RPP14: variants seen among roughly 807,000 people sequenced by gnomAD.
RPP14 encodes the protein ribonuclease P/MRP subunit p14.
A neutral mutation model predicts 17.8 loss-of-function variants in RPP14; 19 were observed. The ratio of observed to expected loss-of-function variants is 1.07; its 90% CI spans 0.74 to 1.57. The LOEUF (loss-of-function observed/expected upper bound fraction) is 1.57, where lower values mean the gene tolerates loss of function less well. Among genes scored for constraint, RPP14 ranks in the 40% most tolerant of loss-of-function variants. The pLI, the probability that RPP14 is intolerant of heterozygous loss-of-function variation, is 0.00. For synonymous variants in RPP14, 60 were observed against 56.4 expected, an observed-to-expected ratio of 1.06 and a Z score of -0.29; for missense variants, 125 against 140.8, an observed-to-expected ratio of 0.89 and a Z score of 0.57.
intron 3 of RPP14, among the ~76,000 whole-genome samples, chr3:58,314,879 G>T (rs927524302): frequency 1.3e-5 from 2 of 151,840 alleles, no homozygotes; most frequent in African/African-American, 2.4e-5. Flanking sequence ...TGGAGACGGG[G>T]TTTCACCATG....
intron 1 of RPP14, among the ~76,000 whole-genome samples, chr3:58,308,348 A>G (rs750114617): frequency 6.6e-6 from 1 of 152,144 alleles, no homozygotes; most frequent in African/African-American, 2.4e-5. Context: ...CAGTGGTACA[A>G]TCACAGTGCA....
intron 2 of RPP14, 24 bp from the exon 3 acceptor site, chr3:58,310,483 T>TG (rs576904123): frequency 5.6e-4 from 175 of 312,844 alleles, no homozygotes; most frequent in Admixed American, 3.5e-4. Context: ...TTAATATGAC[T>TG]TTTTTTTTTT....
rs2097492198 is a variant in RPP14, at chr3:58,319,514, C to G, written c.*2018C>G. 6.6e-6 allele frequency: 1 copy of G among 152,082 alleles called. No individual in the cohort carries two copies. The highest frequency in any genetic ancestry group is 1.5e-5 in the Non-Finnish European group (1 of 68,016). The allele number at this position is 152,082 out of a possible 1,614,324, so 9.4% of individuals were successfully genotyped here. ...AGTTAAACGTAACAGACCAGTTTTT[C>G]AGGGTGTCAGCCAACCTCTATTAGT... On this transcript the variant is annotated 3_prime_UTR_variant, in exon 6 of 6. Coordinates refer to ENST00000295959, the MANE Select transcript of RPP14 (RefSeq NM_007042.6).
At chr3:58,308,441 G>T (rs563307634) in intron 1 of RPP14, among the ~76,000 whole-genome samples, 222 of 148,050 alleles carry the variant, frequency 1.5e-3, no homozygotes, top group Middle Eastern at 0.01. Flanking sequence ...ACACTACCAT[G>T]CCTGGTTAAT....
At chr3:58,310,894 C>A (rs1038828967) in intron 3 of RPP14, among the ~76,000 whole-genome samples, 1 of 149,074 alleles carries the variant, frequency 6.7e-6, no homozygotes, top group Admixed American at 6.7e-5. Context: ...AACGCCACTG[C>A]ACTCCAGCCT....
Position 58,317,001 on chromosome 3 carries a change from C to G in RPP14, c.318+8C>G. 1 of 1,604,332 alleles carries G rather than the reference C, an allele frequency of 6.2e-7. No homozygotes were observed. Among genetic ancestry groups the G allele is most frequent in the Non-Finnish European group, 8.5e-7 (1 of 1,171,514 alleles). Reference sequence around the variant, plus strand: ...GCTTTCCGGGTGATTCAGGTAAAGACTATTCCCTCACATATTCCAAACAAG... The same window carrying G: ...GCTTTCCGGGTGATTCAGGTAAAGAGTATTCCCTCACATATTCCAAACAAG... On this transcript the variant is annotated splice_region_variant and intron_variant, in intron 5 of 5. Coordinates refer to ENST00000295959, the MANE Select transcript of RPP14 (RefSeq NM_007042.6).
Position 58,318,160 on chromosome 3 carries a change from G to A in RPP14, c.*664G>A. On this transcript the variant is annotated 3_prime_UTR_variant, in exon 6 of 6. Coordinates refer to ENST00000295959, the MANE Select transcript of RPP14 (RefSeq NM_007042.6). ...AGATGCAACCTCAAACACCAATGCTGTTGTTAAAGAGCCTATGGGGAATTG... is the reference window on the plus strand; with the variant it reads ...AGATGCAACCTCAAACACCAATGCTATTGTTAAAGAGCCTATGGGGAATTG... The A allele has an allele frequency of 4.9e-6, 3 of 613,814 alleles. No individual in the cohort carries two copies. In the East Asian group the frequency reaches 8.2e-5, roughly 17 times the overall value. The allele number at this position is 613,814 out of a possible 1,614,324, so 38.0% of individuals were successfully genotyped here.
Position 58,319,897 on chromosome 3 carries a change from C to T in RPP14, c.*2401C>T, listed in dbSNP as rs1324672724. 6.6e-6 allele frequency: 1 copy of T among 152,112 alleles called. No homozygotes were observed. The highest frequency in any genetic ancestry group is 1.5e-5 in the Non-Finnish European group (1 of 68,018). The allele number at this position is 152,112 out of a possible 1,614,324, so 9.4% of individuals were successfully genotyped here. On this transcript the variant is annotated 3_prime_UTR_variant, in exon 6 of 6. Coordinates refer to ENST00000295959, the MANE Select transcript of RPP14 (RefSeq NM_007042.6). ...AGTTTAGTGGTTTTCAGAATATCCA[C>T]AAAGTTGTACAACCATCACCAAATC...
chr3:58,312,428 T>G (rs1267870372), intron 3 of RPP14, among the ~76,000 whole-genome samples: 1 of 148,300 alleles, frequency 6.7e-6, no homozygotes, highest in Non-Finnish European at 1.5e-5. Flanking sequence ...CCCAGCTAAT[T>G]TTTGTATTCC....
At chr3:58,310,193 T>C (rs760261408) in intron 1 of RPP14, 116 bp from the exon 2 acceptor site, 10 of 717,986 alleles carry the variant, frequency 1.4e-5, no homozygotes, top group Non-Finnish European at 2.2e-5. Flanking sequence ...GGTGACAGGG[T>C]GAGACCCTGC....
intron 3 of RPP14, chr3:58,315,609 C>T (rs6445969): frequency 0.77 from 117,518 of 152,248 alleles, 45,991 homozygotes; most frequent in East Asian, 1. Flanking sequence ...ACTGTAGTTA[C>T]GCAAGACATT....
intron 2 of RPP14, 42 bp from the exon 3 acceptor site, chr3:58,310,465 A>C (rs1306118777): frequency 8.1e-6 from 13 of 1,595,652 alleles, no homozygotes; most frequent in Middle Eastern, 1.7e-4. Flanking sequence ...ATCTGAATAG[A>C]ATGAAATTTA....
intron 3 of RPP14, among the ~76,000 whole-genome samples, chr3:58,312,557 G>A (rs928157454): frequency 6.6e-6 from 1 of 152,152 alleles, no homozygotes; most frequent in African/African-American, 2.4e-5. Flanking sequence ...TTAGACAAAT[G>A]ATTGTTGTAG....
At chr3:58,312,960 CAAA>C (rs35853424) in intron 3 of RPP14, among the ~76,000 whole-genome samples, 1,592 of 79,020 alleles carry the variant, frequency 0.02, 34 homozygotes, top group African/African-American at 0.077. Context: ...GACTCTGTCT[CAAA>C]AAAAAAAAAA....
At chr3:58,307,077 G>T (rs149276513) in intron 1 of RPP14, among the ~76,000 whole-genome samples, 1 of 152,324 alleles carries the variant, frequency 6.6e-6, no homozygotes, top group East Asian at 1.9e-4. Context: ...ATGGGGAAAA[G>T]CTAGAGCCGA....
At chr3:58,313,574 C>T (rs2107505492) in intron 3 of RPP14, among the ~76,000 whole-genome samples, 1 of 151,532 alleles carries the variant, frequency 6.6e-6, no homozygotes. Flanking sequence ...TGTAATCCCA[C>T]CACTTTTGAG....
intron 3 of RPP14, chr3:58,315,636 G>A (rs934543309): frequency 5.9e-5 from 9 of 152,190 alleles, no homozygotes; most frequent in African/African-American, 2.2e-4. Flanking sequence ...GTGGGAGGCT[G>A]GATGAAGAGT....
At chr3:58,307,326 T>TA (rs1340959704) in intron 1 of RPP14, among the ~76,000 whole-genome samples, 1 of 152,140 alleles carries the variant, frequency 6.6e-6, no homozygotes, top group Non-Finnish European at 1.5e-5. Flanking sequence ...TAGATGTTAA[T>TA]AGACTCACTG....
At chr3:58,316,830 G>A (rs1382797339) in intron 4 of RPP14, 85 bp from the exon 5 acceptor site, 6 of 1,208,012 alleles carry the variant, frequency 5.0e-6, no homozygotes, top group Non-Finnish European at 7.2e-6. Flanking sequence ...TGCAAAGTCA[G>A]AAGTGAATAT....
Sources: allele counts gnomAD v4.1 joint callset (sites outside exome capture counted in the v4.1 genomes callset), GRCh38; gene constraint gnomAD v4.1.1; transcripts MANE v1.5; gene names NCBI Gene and HGNC (gene_info 2026-07-23, HGNC 2026-07-21).